Variants in HS3ST4 observed in about 807,000 individuals in gnomAD.
HS3ST4 encodes heparan sulfate glucosamine 3-O-sulfotransferase 4.
Under a neutral mutation model 29.2 loss-of-function variants are expected in HS3ST4, and 17 were observed. The observed-to-expected ratio is 0.58, with a 90% CI of 0.40 to 0.87. The LOEUF (loss-of-function observed/expected upper bound fraction) is 0.87, where lower values mean the gene tolerates loss of function less well. Among genes scored for constraint, HS3ST4 ranks in the 40% least tolerant of loss-of-function variants. HS3ST4 has a pLI of 0.00. For synonymous variants in HS3ST4, 314 were observed against 285.7 expected (o/e 1.10, Z -1.00); for missense variants, 627 against 634.5 (o/e 0.99, Z 0.13).
chr16:25,760,823 T>C (rs1966784641), intron 1 of HS3ST4, among the ~76,000 whole-genome samples: 1 of 152,116 alleles, frequency 6.6e-6, no homozygotes, highest in South Asian at 2.1e-4. Flanking sequence ...ACAATGTTTA[T>C]TTTGTGGGGA....
At chr16:25,992,152 A>T (rs1249054814) in intron 1 of HS3ST4, among the ~76,000 whole-genome samples, 1 of 152,220 alleles carries the variant, frequency 6.6e-6, no homozygotes, top group Non-Finnish European at 1.5e-5. Context: ...GTCCTCATGG[A>T]GTTTGTATTC....
At chr16:25,922,107 G>A (rs1048051895) in intron 1 of HS3ST4, among the ~76,000 whole-genome samples, 3 of 152,146 alleles carry the variant, frequency 2.0e-5, no homozygotes, top group Non-Finnish European at 4.4e-5. Context: ...GCCATGGGCT[G>A]ACTTATGGCT....
At chr16:25,781,850 C>T (rs114903515) in intron 1 of HS3ST4, among the ~76,000 whole-genome samples, 10,569 of 152,184 alleles carry the variant, frequency 0.069, 481 homozygotes, top group South Asian at 0.13. Flanking sequence ...GGGCTGAAAG[C>T]TTCTAGTCAT....
At chr16:25,730,644 C>T (rs118107495) in intron 1 of HS3ST4, among the ~76,000 whole-genome samples, 332 of 131,700 alleles carry the variant, frequency 2.5e-3, no homozygotes, top group East Asian at 0.011. Flanking sequence ...TCCCTCCCTC[C>T]GTCCTTCTCT....
At chr16:25,756,181 G>T (rs1966757930) in intron 1 of HS3ST4, among the ~76,000 whole-genome samples, 1 of 148,792 alleles carries the variant, frequency 6.7e-6, no homozygotes, top group South Asian at 2.1e-4. Context: ...CACACACCCT[G>T]CCTTATTCCT....
chr16:25,834,548 T>C (rs1261046734), intron 1 of HS3ST4, among the ~76,000 whole-genome samples: 2 of 152,222 alleles, frequency 1.3e-5, no homozygotes, highest in Non-Finnish European at 2.9e-5. Context: ...TGCACAAGTA[T>C]CTATGTAATG....
At chr16:25,873,296 ATCCATCCATCCATCCATCCATCCATCCT>A (rs1967777333) in intron 1 of HS3ST4, among the ~76,000 whole-genome samples, 1 of 105,266 alleles carries the variant, frequency 9.5e-6, no homozygotes, top group South Asian at 2.8e-4. Context: ...CCATCCATCC[ATCCATCCATCCATCCATCCATCCATCCT>A]TCCTTCCTTC....
intron 1 of HS3ST4, among the ~76,000 whole-genome samples, chr16:25,912,844 CA>C (rs1161957502): frequency 6.6e-6 from 1 of 152,174 alleles, no homozygotes; most frequent in Non-Finnish European, 1.5e-5. Flanking sequence ...ATAGATAATT[CA>C]TCTGTTTAGC....
chr16:25,864,937 T>TAC (rs570034138), intron 1 of HS3ST4, among the ~76,000 whole-genome samples: 1,031 of 102,456 alleles, frequency 0.01, 8 homozygotes, highest in African/African-American at 0.033. Context: ...ATTATATATA[T>TAC]ACACACACAT....
chr16:25,756,154 GCACACACA>G (rs71997199), intron 1 of HS3ST4, among the ~76,000 whole-genome samples: 11 of 132,714 alleles, frequency 8.3e-5, no homozygotes, highest in East Asian at 2.0e-4. Context: ...ACACACACAC[GCACACACA>G]CACACACACA....
At chr16:25,952,645 C>T (rs535027346) in intron 1 of HS3ST4, among the ~76,000 whole-genome samples, 5 of 152,260 alleles carry the variant, frequency 3.3e-5, no homozygotes, top group African/African-American at 1.2e-4. Context: ...TTTAAATATG[C>T]ATTATTAGTA....
At chr16:26,060,024 C>T (rs994367351) in intron 1 of HS3ST4, among the ~76,000 whole-genome samples, 2 of 152,112 alleles carry the variant, frequency 1.3e-5, no homozygotes, top group Non-Finnish European at 2.9e-5. Context: ...GTGATCTGCC[C>T]GCCCCGGCCT....
chr16:25,952,402 T>C (rs949727481), intron 1 of HS3ST4, among the ~76,000 whole-genome samples: 9 of 152,182 alleles, frequency 5.9e-5, no homozygotes, highest in African/African-American at 2.2e-4. Context: ...TTTTAGATCA[T>C]GGCCCTGTGG....
intron 1 of HS3ST4, among the ~76,000 whole-genome samples, chr16:25,904,079 GATGGATGCATGGATGAATGAATGGATGA>G: frequency 6.6e-6 from 1 of 152,038 alleles, no homozygotes; most frequent in Non-Finnish European, 1.5e-5. Flanking sequence ...TGAATAGATG[GATGGATGCATGGATGAATGAATGGATGA>G]ATGGATGGAT....
chr16:25,803,968 C>T (rs1966965449), intron 1 of HS3ST4, among the ~76,000 whole-genome samples: 1 of 152,094 alleles, frequency 6.6e-6, no homozygotes, highest in Non-Finnish European at 1.5e-5. Flanking sequence ...CTCTCCTCCT[C>T]ACCTCCAGAG....
At chr16:25,733,476 G>C (rs1966586128) in intron 1 of HS3ST4, among the ~76,000 whole-genome samples, 1 of 152,190 alleles carries the variant, frequency 6.6e-6, no homozygotes, top group East Asian at 1.9e-4. Flanking sequence ...ACAAGGTAGT[G>C]AGTGAGACTC....
At chr16:25,980,237 T>G (rs2141721847) in intron 1 of HS3ST4, among the ~76,000 whole-genome samples, 1 of 152,302 alleles carries the variant, frequency 6.6e-6, no homozygotes, top group Admixed American at 6.5e-5. Context: ...ATTCCTAACA[T>G]GTACTGTGAA....
At chr16:25,761,111 C>G (rs1966786200) in intron 1 of HS3ST4, among the ~76,000 whole-genome samples, 1 of 152,178 alleles carries the variant, frequency 6.6e-6, no homozygotes, top group Admixed American at 6.5e-5. Context: ...GAATCAGGAG[C>G]AAGCTGGGTG....
intron 1 of HS3ST4, among the ~76,000 whole-genome samples, chr16:25,819,902 T>C (rs7192321): frequency 0.029 from 4,385 of 149,662 alleles, 132 homozygotes; most frequent in East Asian, 0.1. Context: ...CTCTAGCTAC[T>C]TGGGAGGCTG....
Sources: allele counts gnomAD v4.1 joint callset (sites outside exome capture counted in the v4.1 genomes callset), GRCh38; gene constraint gnomAD v4.1.1; transcripts MANE v1.5; gene names NCBI Gene and HGNC (gene_info 2026-07-23, HGNC 2026-07-21).